Variants in CTNNA3 observed in about 807,000 individuals in gnomAD.
The protein encoded by CTNNA3 is catenin alpha-3.
Under a neutral mutation model 95.7 loss-of-function variants are expected in CTNNA3, and 76 were observed. The ratio of observed to expected loss-of-function variants is 0.79; its 90% CI spans 0.66 to 0.96. The LOEUF (loss-of-function observed/expected upper bound fraction) is 0.96, where lower values mean the gene tolerates loss of function less well. Ranked by LOEUF, CTNNA3 falls within the 40% of genes least tolerant of loss-of-function variation. The pLI is 0.00. For missense variants in CTNNA3, 1,191 were observed against 1,089.8 expected, an observed-to-expected ratio of 1.09 and a Z score of -1.31; for synonymous variants, 431 against 374.4, an observed-to-expected ratio of 1.15 and a Z score of -1.74.
intron 16 of CTNNA3, among the ~76,000 whole-genome samples, chr10:65,976,274 A>C (rs566459961): frequency 6.6e-6 from 1 of 152,292 alleles, no homozygotes; most frequent in South Asian, 2.1e-4. Context: ...AAACTCGATT[A>C]ATGTGGATTT....
intron 9 of CTNNA3, among the ~76,000 whole-genome samples, chr10:66,748,033 C>T (rs770990830): frequency 4.4e-4 from 67 of 152,114 alleles, no homozygotes; most frequent in Non-Finnish European, 8.8e-4. Flanking sequence ...TTAAAGAAAG[C>T]TGGTGTCTGT....
In CTNNA3 at chr10:67,235,648, G is replaced by C. The variant is rs1036756922; in HGVS notation, c.580-15778C>G. 4.9e-5 allele frequency among the ~76,000 whole-genome samples: 7 copies of C among 142,348 alleles called. 1 individual carries two copies. Among genetic ancestry groups the C allele is most frequent in the African/African-American group, 1.7e-4 (6 of 36,336 alleles). The allele number at this position is 142,348 out of a possible 152,430, so 93.4% of individuals were successfully genotyped here. On this transcript the variant is annotated intron_variant, in intron 5 of 17. Transcript: ENST00000433211. Reference sequence around the variant, plus strand: ...AACACCAAAAGCAATGGCAACAAAAGCCAAAATTGACAAATGGGATCTAAT... The same window carrying C: ...AACACCAAAAGCAATGGCAACAAAACCCAAAATTGACAAATGGGATCTAAT...
chr10:67,526,454 G>A (rs1415944853), intron 4 of CTNNA3, among the ~76,000 whole-genome samples: 1 of 151,084 alleles, frequency 6.6e-6, no homozygotes, highest in South Asian at 2.1e-4. Flanking sequence ...TGTAGGTGAA[G>A]GCACACTGGC....
chr10:67,683,922 T>C (rs764077379), intron 1 of CTNNA3, among the ~76,000 whole-genome samples: 39 of 151,426 alleles, frequency 2.6e-4, no homozygotes, highest in Middle Eastern at 3.4e-3. Flanking sequence ...ACGTCAGGAA[T>C]GAAGCCGCAG....
At chr10:65,937,662 C>T (rs2077364226) in intron 17 of CTNNA3, among the ~76,000 whole-genome samples, 3 of 152,226 alleles carry the variant, frequency 2.0e-5, no homozygotes, top group African/African-American at 7.2e-5. Flanking sequence ...CCTATTATAG[C>T]ACTTACCAAA....
chr10:66,697,093 T>G, intron 9 of CTNNA3, among the ~76,000 whole-genome samples: 1 of 151,950 alleles, frequency 6.6e-6, no homozygotes, highest in East Asian at 1.9e-4. Context: ...AAAATATACC[T>G]GGAGAATCTC....
chr10:66,956,160 G>C lies in CTNNA3; in HGVS notation c.1048-180636C>G, dbSNP rs181886450. Among the ~76,000 whole-genome samples, 7 of 151,766 alleles carry C rather than the reference G, an allele frequency of 4.6e-5. No individual in the cohort carries two copies. The East Asian group carries it at 1.4e-3, about 29-fold the overall frequency. On this transcript the variant is annotated intron_variant, in intron 7 of 17. Coordinates refer to ENST00000433211, the MANE Select transcript of CTNNA3 (RefSeq NM_013266.4). ...GCCTTCATATTTCCTACATGTGGGG[G>C]CTGCATCTGCCCAAAGAGTTCCTCT...
At chr10:66,757,947 T>C (rs1161996303) in intron 9 of CTNNA3, among the ~76,000 whole-genome samples, 1 of 152,194 alleles carries the variant, frequency 6.6e-6, no homozygotes, top group Non-Finnish European at 1.5e-5. Flanking sequence ...TGAGCATTGA[T>C]ATAATGAGGT....
At chr10:67,681,165 G>C (rs1840619371) in intron 1 of CTNNA3, among the ~76,000 whole-genome samples, 1 of 152,118 alleles carries the variant, frequency 6.6e-6, no homozygotes. Flanking sequence ...TTGAGAACTT[G>C]ATAAAATGTT....
At chr10:66,484,018 C>T (rs561835528) in intron 11 of CTNNA3, among the ~76,000 whole-genome samples, 1 of 152,146 alleles carries the variant, frequency 6.6e-6, no homozygotes, top group South Asian at 2.1e-4. Flanking sequence ...TGAGAACTAC[C>T]TCTCCAAGGA....
intron 9 of CTNNA3, among the ~76,000 whole-genome samples, chr10:66,694,308 C>A (rs1847674386): frequency 6.6e-6 from 1 of 152,008 alleles, no homozygotes. Context: ...GAAATACAAA[C>A]TACCATCAGA....
At chr10:66,623,001 G>C (rs1844804370) in intron 9 of CTNNA3, among the ~76,000 whole-genome samples, 1 of 151,962 alleles carries the variant, frequency 6.6e-6, no homozygotes, top group Non-Finnish European at 1.5e-5. Context: ...AATGTACATG[G>C]GGATGGCTTA....
At chr10:66,178,486 C>T (rs1211408873) in intron 13 of CTNNA3, among the ~76,000 whole-genome samples, 1 of 664 alleles carries the variant, frequency 1.5e-3, no homozygotes, top group East Asian at 6.5e-3. Context: ...CACAGACACA[C>T]ACACACATAC....
At chr10:66,290,030 T>G (rs1354468678) in intron 12 of CTNNA3, among the ~76,000 whole-genome samples, 1 of 151,974 alleles carries the variant, frequency 6.6e-6, no homozygotes, top group Non-Finnish European at 1.5e-5. Flanking sequence ...TTGAAAAGAA[T>G]AAATGGAAGA....
intron 7 of CTNNA3, among the ~76,000 whole-genome samples, chr10:67,047,195 T>G (rs1471617864): frequency 1.3e-5 from 2 of 152,176 alleles, no homozygotes; most frequent in African/African-American, 4.8e-5. Context: ...TGAAATTGTT[T>G]TAACATTTTT....
rs531784551 is a variant in CTNNA3 at position 67,279,726 on chromosome 10, C to T, written c.580-59856G>A. Among the ~76,000 whole-genome samples, 14 of 150,254 alleles carry T rather than the reference C, an allele frequency of 9.3e-5. No individual in the cohort carries two copies. In the East Asian group the frequency reaches 2.7e-3, roughly 29 times the overall value. On this transcript the variant is annotated intron_variant, in intron 5 of 17. Coordinates refer to ENST00000433211, the MANE Select transcript of CTNNA3 (RefSeq NM_013266.4). Reference sequence around the variant, plus strand: ...CCTTTTGGCATGGTGAATTGGGGTCCCGAGTTTCTACTTTCCTTTCACAAA... The same window carrying T: ...CCTTTTGGCATGGTGAATTGGGGTCTCGAGTTTCTACTTTCCTTTCACAAA...
chr10:66,597,628 A>G (rs1379643472), intron 10 of CTNNA3, among the ~76,000 whole-genome samples: 1 of 149,264 alleles, frequency 6.7e-6, no homozygotes, highest in Non-Finnish European at 1.5e-5. Context: ...CAGAAAGAGA[A>G]AAACAACTTG....
chr10:66,442,063 G>A (rs2093378856), intron 11 of CTNNA3, among the ~76,000 whole-genome samples: 2 of 152,062 alleles, frequency 1.3e-5, no homozygotes, highest in African/African-American at 4.8e-5. Flanking sequence ...TCTTTCTCCT[G>A]GGGTTCTGCA....
At chr10:67,104,134 A>G (rs1858494492) in intron 7 of CTNNA3, among the ~76,000 whole-genome samples, 1 of 151,880 alleles carries the variant, frequency 6.6e-6, no homozygotes, top group Non-Finnish European at 1.5e-5. Flanking sequence ...GCTGAAAAAA[A>G]GAGGTCAGGT....
Sources: allele counts gnomAD v4.1 joint callset (sites outside exome capture counted in the v4.1 genomes callset), GRCh38; gene constraint gnomAD v4.1.1; transcripts MANE v1.5; gene names NCBI Gene and HGNC (gene_info 2026-07-23, HGNC 2026-07-21).